Variants in BGN observed in about 807,000 individuals in gnomAD.
BGN encodes the protein biglycan.
In BGN, 6 loss-of-function variants were observed where a neutral mutation model predicts 20.0. The observed-to-expected ratio is 0.30, with a 90% CI of 0.16 to 0.59. BGN has a LOEUF of 0.59. BGN is among the 20% of genes least tolerant of loss of function. BGN has a pLI of 0.88. For missense variants in BGN, 292 were observed against 312.1 expected, an observed-to-expected ratio of 0.94 and a Z score of 0.49; for synonymous variants, 146 against 134.6, an observed-to-expected ratio of 1.08 and a Z score of -0.59.
At chrX:153,498,326 A>C (rs1172805619) in intron 1 of BGN, among the ~76,000 whole-genome samples, 1 of 112,770 alleles carries the variant, frequency 8.9e-6, no homozygotes, top group Non-Finnish European at 1.9e-5. Context: ...CATGGCGGGC[A>C]GACTCCTGGG....
rs60374028 is a variant in BGN, at chrX:153,509,061, CTGTGTGTG to C, written c.*654_*661del. 3,081 of 83,926 alleles carry C rather than the reference CTGTGTGTG, an allele frequency of 0.037. 110 individuals are homozygous for C. Among genetic ancestry groups the C allele is most frequent in the African/African-American group, 0.11 (2,092 of 19,573 alleles). The allele number at this position is 83,926 out of a possible 1,213,427, so 6.9% of individuals were successfully genotyped here. ...TCTCTCTCTCTCTCTCTCTCTCTTTCTGTGTGTGTGTGTGTGTGTGTGTGTGTGTGTGT... is the reference window on the plus strand; with the variant it reads ...TCTCTCTCTCTCTCTCTCTCTCTTTCTGTGTGTGTGTGTGTGTGTGTGTGT... On this transcript the variant is annotated 3_prime_UTR_variant, in exon 8 of 8. Coordinates refer to ENST00000331595, the MANE Select transcript of BGN (RefSeq NM_001711.6).
intron 1 of BGN, among the ~76,000 whole-genome samples, chrX:153,502,909 C>G (rs782274349): frequency 6.2e-5 from 7 of 112,742 alleles, no homozygotes; most frequent in Non-Finnish European, 1.1e-4. Flanking sequence ...TAGCCACAGC[C>G]TCACCACAGG....
intron 1 of BGN, among the ~76,000 whole-genome samples, chrX:153,503,023 G>T (rs1251347320): frequency 1.8e-5 from 2 of 112,919 alleles, no homozygotes; most frequent in African/African-American, 6.4e-5. Flanking sequence ...CACCCGAGGA[G>T]CTGCATGGGG....
chrX:153,507,633 A>G (rs1556993577), intron 7 of BGN, among the ~76,000 whole-genome samples: 5 of 112,976 alleles, frequency 4.4e-5, no homozygotes, highest in Non-Finnish European at 9.4e-5. Context: ...TGCTCCATCC[A>G]CAAGTGTTTG....
At chrX:153,503,233 A>G (rs1285549562) in intron 1 of BGN, among the ~76,000 whole-genome samples, 1 of 112,252 alleles carries the variant, frequency 8.9e-6, no homozygotes, top group African/African-American at 3.2e-5. Flanking sequence ...GCCTGGGGGC[A>G]GAGCCCCCAC....
intron 1 of BGN, among the ~76,000 whole-genome samples, chrX:153,498,474 T>C (rs2089734210): frequency 8.9e-6 from 1 of 112,614 alleles, no homozygotes; most frequent in African/African-American, 3.2e-5. Flanking sequence ...GCTGCCCTCA[T>C]GCAAAGAGAC....
chrX:153,503,865 G>A (rs1358857108), intron 1 of BGN, among the ~76,000 whole-genome samples: 9 of 110,675 alleles, frequency 8.1e-5, no homozygotes, highest in Non-Finnish European at 1.7e-4. Flanking sequence ...GGGCCAAGGC[G>A]GTGTGGGCGG....
At position 153,505,979 on chromosome X, in the gene BGN, C is replaced by G. The variant is rs1556993021; in HGVS notation, c.468C>G (p.Asn156Lys). 3 of 1,210,352 alleles carry G rather than the reference C, an allele frequency of 2.5e-6. No individual in the cohort carries two copies. Among genetic ancestry groups the G allele is most frequent in the African/African-American group, 1.7e-5 (1 of 57,306 alleles). The change falls in exon 4 of 8, where the codon AAC (asparagine) becomes AAG (lysine). Residue 156 changes from asparagine to lysine, a missense_variant. Coordinates refer to ENST00000331595, the MANE Select transcript of BGN (RefSeq NM_001711.6). ...ACCACCTGGTGGAGATCCCGCCCAACCTACCCAGCTCCCTGGTGGAGCTCC... is the reference window on the plus strand; with the variant it reads ...ACCACCTGGTGGAGATCCCGCCCAAGCTACCCAGCTCCCTGGTGGAGCTCC... ...SKNHLVEIPP[N>K]LPSSLVELRI... is the part of the protein sequence containing the mutation.
chrX:153,506,897 C>T lies in BGN; in HGVS notation c.744C>T (p.Asp248=). The change falls in exon 6 of 8, where the codon GAC becomes GAT. Residue 248 remains aspartate (D), a synonymous_variant. Coordinates refer to ENST00000331595, the MANE Select transcript of BGN (RefSeq NM_001711.6). ...HNKIQAIELE[D]LLRYSKLYRL... The stretch of plus-strand genomic sequence containing the variant: ...AAATCCAGGCCATCGAACTGGAGGA[C>T]CTGCTTCGCTACTCCAAGCTGTACA... The T allele has an allele frequency of 8.3e-7, 1 of 1,211,746 alleles. No individual in the cohort carries two copies.
At chrX:153,499,318 G>C (rs1463132905) in intron 1 of BGN, among the ~76,000 whole-genome samples, 1 of 111,963 alleles carries the variant, frequency 8.9e-6, no homozygotes, top group Non-Finnish European at 1.9e-5. Context: ...AGGACCAGGA[G>C]CGCACAGTGG....
chrX:153,504,985 G>C lies in BGN; in HGVS notation c.238+116G>C, dbSNP rs781806596. 2.5e-5 allele frequency: 20 copies of C among 813,086 alleles called. No homozygotes were observed. The African/African-American group carries it at 3.3e-4, about 13-fold the overall frequency. 67.0% of individuals were successfully genotyped at this position (813,086 alleles called of 1,213,427 possible). A position where few individuals can be genotyped will look rare whatever the true frequency, so the allele number is the denominator to read the frequency against. ...TGGGACGGTGGCGAGCATGATGTAA[G>C]TGTAGGAGGGGTCCAGCCGTCTGGC... On this transcript the variant is annotated intron_variant, in intron 2 of 7. Coordinates refer to ENST00000331595, the MANE Select transcript of BGN (RefSeq NM_001711.6).
intron 3 of BGN, 134 bp downstream of exon 3, chrX:153,505,484 G>A (rs1020287056): frequency 9.2e-6 from 5 of 545,791 alleles, no homozygotes; most frequent in South Asian, 3.2e-5. Context: ...GGAGCCAGCC[G>A]TGATGGGAGC....
At chrX:153,500,862 T>C (rs2089753899) in intron 1 of BGN, among the ~76,000 whole-genome samples, 1 of 111,142 alleles carries the variant, frequency 9.0e-6, no homozygotes, top group South Asian at 3.8e-4. Context: ...TACATGTGCA[T>C]GTATGTGTAT....
At chrX:153,503,811 AG>A (rs1243595974) in intron 1 of BGN, among the ~76,000 whole-genome samples, 194 of 101,132 alleles carry the variant, frequency 1.9e-3, no homozygotes, top group Non-Finnish European at 3.6e-3. Flanking sequence ...GGCTGTGGGC[AG>A]GGAGGAAGGG....
intron 1 of BGN, among the ~76,000 whole-genome samples, chrX:153,502,296 C>T (rs1380639359): frequency 8.9e-6 from 1 of 112,542 alleles, no homozygotes; most frequent in African/African-American, 3.2e-5. Flanking sequence ...CTTGCCAGGG[C>T]TCTGGCGGGG....
Position 153,504,649 on chromosome X carries a change from C to T in BGN, c.18C>T (p.Arg6=). The change falls in exon 2 of 8, where the codon CGC becomes CGT. Residue 6 remains arginine, a synonymous_variant. Coordinates refer to ENST00000331595, the MANE Select transcript of BGN (RefSeq NM_001711.6). ...CATCCGCCATGTGGCCCCTGTGGCG[C>T]CTCGTGTCTCTGCTGGCCCTGAGCC... MWPLW[R]LVSLLALSQA... is the part of the protein sequence containing the mutation. 1.7e-6 allele frequency: 2 copies of T among 1,207,568 alleles called. No individual in the cohort carries two copies. The highest frequency in any genetic ancestry group is 2.2e-6 in the Non-Finnish European group (2 of 892,387).
chrX:153,505,406 G>A (rs2089792628), intron 3 of BGN, 56 bp downstream of exon 3: 3 of 995,682 alleles, frequency 3.0e-6, no homozygotes, highest in African/African-American at 3.8e-5. Flanking sequence ...GTCCGGGTGG[G>A]TGCATGTGCG....
intron 1 of BGN, among the ~76,000 whole-genome samples, chrX:153,502,320 A>C (rs1163790253): frequency 9.0e-6 from 1 of 111,253 alleles, no homozygotes; most frequent in Non-Finnish European, 1.9e-5. Context: ...CCCAGCCCTG[A>C]CTCACTCTCC....
Position 153,504,666 on chromosome X carries a change from C to T in BGN, c.35C>T (p.Ala12Val), listed in dbSNP as rs1556992603. The T allele has an allele frequency of 1.7e-6, 2 of 1,210,859 alleles. No homozygotes were observed. Among genetic ancestry groups the T allele is most frequent in the Admixed American group, 2.2e-5 (1 of 46,114 alleles). Reference sequence around the variant, plus strand: ...CTGTGGCGCCTCGTGTCTCTGCTGGCCCTGAGCCAGGCCCTGCCCTTTGAG... The same window carrying T: ...CTGTGGCGCCTCGTGTCTCTGCTGGTCCTGAGCCAGGCCCTGCCCTTTGAG... ...WPLWRLVSLL[A>V]LSQALPFEQR... is the part of the protein sequence containing the mutation. Residue 12 changes from alanine (A) to valine (V), a missense_variant, in exon 2 of 8, where the codon GCC becomes GTC. By Grantham distance (64) the Ala-to-Val change is moderately conservative. Transcript: ENST00000331595.
Sources: gnomAD v4.1 joint callset for allele counts (sites outside exome capture counted in the v4.1 genomes callset) on GRCh38, gnomAD v4.1.1 for gene constraint, MANE v1.5 for transcripts, NCBI Gene and HGNC (gene_info 2026-07-23, HGNC 2026-07-21) for gene names.